ZMAT4: variants seen among roughly 807,000 people sequenced by gnomAD.
The protein encoded by ZMAT4 is zinc finger matrin-type protein 4.
In ZMAT4, 17 loss-of-function variants were observed where a neutral mutation model predicts 28.7. The ratio of observed to expected loss-of-function variants is 0.59; its 90% CI spans 0.41 to 0.89. ZMAT4 has a LOEUF of 0.89. Among genes scored for constraint, ZMAT4 ranks in the 40% least tolerant of loss-of-function variants. The pLI is 0.00. For synonymous variants in ZMAT4, 117 were observed against 109.2 expected (o/e 1.07, Z -0.44); for missense variants, 240 against 283.8 (o/e 0.85, Z 1.11).
At chr8:40,774,842 G>A (rs1813526422) in intron 2 of ZMAT4, among the ~76,000 whole-genome samples, 1 of 152,130 alleles carries the variant, frequency 6.6e-6, no homozygotes, top group Admixed American at 6.5e-5. Context: ...GTGACTTTAA[G>A]TTTTCTTATT....
At chr8:40,679,144 A>G (rs1809037521) in intron 4 of ZMAT4, among the ~76,000 whole-genome samples, 1 of 152,170 alleles carries the variant, frequency 6.6e-6, no homozygotes, top group African/African-American at 2.4e-5. Context: ...TCACCTCATC[A>G]TGGAATGAAT....
At chr8:40,791,986 C>G (rs1364457015) in intron 2 of ZMAT4, among the ~76,000 whole-genome samples, 1 of 152,318 alleles carries the variant, frequency 6.6e-6, no homozygotes, top group South Asian at 2.1e-4. Flanking sequence ...GCTATCCACC[C>G]ACAGCATGCA....
chr8:40,786,786 G>T, intron 2 of ZMAT4: 1 of 1,256,354 alleles, frequency 8.0e-7, no homozygotes, highest in Non-Finnish European at 1.0e-6. Flanking sequence ...CTGGACCCTA[G>T]GATAGATGGG....
intron 3 of ZMAT4, among the ~76,000 whole-genome samples, chr8:40,703,444 A>G (rs1810228171): frequency 6.6e-6 from 1 of 152,240 alleles, no homozygotes; most frequent in South Asian, 2.1e-4. Flanking sequence ...TCTTGAAAAC[A>G]TTATGCTAAA....
chr8:40,583,695 G>A (rs1388416496), intron 5 of ZMAT4, among the ~76,000 whole-genome samples: 1 of 152,142 alleles, frequency 6.6e-6, no homozygotes, highest in Non-Finnish European at 1.5e-5. Flanking sequence ...GGTACAGCTT[G>A]CTCCTATGCA....
intron 2 of ZMAT4, among the ~76,000 whole-genome samples, chr8:40,794,546 C>T (rs987156255): frequency 8.5e-5 from 13 of 152,290 alleles, no homozygotes; most frequent in East Asian, 5.8e-4. Context: ...GGTGTTGCCT[C>T]CCTGTCTTAG....
At chr8:40,543,338 G>T (rs930574615) in intron 6 of ZMAT4, among the ~76,000 whole-genome samples, 1 of 152,162 alleles carries the variant, frequency 6.6e-6, no homozygotes, top group Admixed American at 6.5e-5. Context: ...GGGCATCCAG[G>T]TCTGGACGAA....
At chr8:40,781,789 A>AAAAAAAAAAAAAAAC (rs1563480296) in intron 2 of ZMAT4, among the ~76,000 whole-genome samples, 3 of 147,934 alleles carry the variant, frequency 2.0e-5, no homozygotes, top group Admixed American at 6.7e-5. Flanking sequence ...AAAAAAAAAA[A>AAAAAAAAAAAAAAAC]AAGAAAAGAA....
At chr8:40,879,852 C>G (rs752749384) in intron 1 of ZMAT4, among the ~76,000 whole-genome samples, 3 of 152,182 alleles carry the variant, frequency 2.0e-5, no homozygotes, top group Non-Finnish European at 4.4e-5. Flanking sequence ...TGAGCATTGT[C>G]TCACATCATT....
At chr8:40,785,089 A>C (rs1814011708) in intron 2 of ZMAT4, among the ~76,000 whole-genome samples, 1 of 152,208 alleles carries the variant, frequency 6.6e-6, no homozygotes, top group Non-Finnish European at 1.5e-5. Flanking sequence ...GATGCTTCTA[A>C]GCGTTTGCTG....
intron 2 of ZMAT4, among the ~76,000 whole-genome samples, chr8:40,800,942 C>G (rs1814805193): frequency 6.6e-6 from 1 of 151,882 alleles, no homozygotes; most frequent in African/African-American, 2.4e-5. Flanking sequence ...AATGCTCATT[C>G]TTCGAAAACA....
chr8:40,671,075 A>C (rs1005996971), intron 5 of ZMAT4, among the ~76,000 whole-genome samples: 10 of 152,202 alleles, frequency 6.6e-5, no homozygotes, highest in African/African-American at 2.4e-4. Context: ...TCAAAAAAAA[A>C]AAAAAAAGTA....
intron 1 of ZMAT4, among the ~76,000 whole-genome samples, chr8:40,851,971 A>G (rs953972601): frequency 2.8e-4 from 42 of 152,048 alleles, no homozygotes; most frequent in Non-Finnish European, 2.2e-4. Context: ...ATCTCGGCTC[A>G]CTGCAGCCTC....
chr8:40,645,639 C>A (rs1188220137), intron 5 of ZMAT4, among the ~76,000 whole-genome samples: 1 of 152,026 alleles, frequency 6.6e-6, no homozygotes, highest in African/African-American at 2.4e-5. Context: ...CAAGGAAATG[C>A]CTGATTGAGA....
intron 5 of ZMAT4, among the ~76,000 whole-genome samples, chr8:40,646,623 G>C (rs180842014): frequency 6.2e-4 from 94 of 152,140 alleles, no homozygotes; most frequent in African/African-American, 2.2e-3. Context: ...GGCAAATAAG[G>C]ACATTTCATT....
intron 3 of ZMAT4, among the ~76,000 whole-genome samples, chr8:40,756,085 C>G (rs1348190490): frequency 6.6e-6 from 1 of 152,068 alleles, no homozygotes; most frequent in East Asian, 1.9e-4. Flanking sequence ...GGACCTTAAA[C>G]ATTATTGCTT....
chr8:40,711,495 C>A (rs1381546811), intron 3 of ZMAT4, among the ~76,000 whole-genome samples: 1 of 152,102 alleles, frequency 6.6e-6, no homozygotes, highest in Non-Finnish European at 1.5e-5. Context: ...AAACCATCTG[C>A]CAATTTTCAG....
At chr8:40,653,661 C>A (rs1412500934) in intron 5 of ZMAT4, among the ~76,000 whole-genome samples, 3 of 151,934 alleles carry the variant, frequency 2.0e-5, no homozygotes, top group Non-Finnish European at 2.9e-5. Context: ...AATAAGACAA[C>A]CTACTTAAAA....
intron 1 of ZMAT4, among the ~76,000 whole-genome samples, chr8:40,891,497 A>C (rs1818686092): frequency 6.6e-6 from 1 of 151,794 alleles, no homozygotes; most frequent in African/African-American, 2.4e-5. Flanking sequence ...CCCAAGCTTG[A>C]GCCTGTCTCA....
Sources: gnomAD v4.1 joint callset for allele counts (sites outside exome capture counted in the v4.1 genomes callset) on GRCh38, gnomAD v4.1.1 for gene constraint, MANE v1.5 for transcripts, NCBI Gene and HGNC (gene_info 2026-07-23, HGNC 2026-07-21) for gene names.